The following GOLGA1 variants were observed in gnomAD, a reference collection of about 807,000 sequenced individuals.
GOLGA1 encodes golgin subfamily A member 1.
GOLGA1 carries 63 observed loss-of-function variants against 119.7 expected under a neutral mutation model. That is an observed-to-expected ratio of 0.53 (90% confidence interval 0.43 to 0.65). The LOEUF (loss-of-function observed/expected upper bound fraction) is 0.65. Among genes scored for constraint, GOLGA1 ranks in the 30% least tolerant of loss-of-function variants. The pLI is 0.00. For synonymous variants in GOLGA1, 318 were observed against 333.4 expected, an observed-to-expected ratio of 0.95 and a Z score of 0.50; for missense variants, 798 against 912.8, an observed-to-expected ratio of 0.87 and a Z score of 1.62.
intron 7 of GOLGA1, among the ~76,000 whole-genome samples, chr9:124,924,742 T>C (rs369248453): frequency 7.4e-5 from 11 of 148,692 alleles, no homozygotes; most frequent in Non-Finnish European, 1.6e-4. Context: ...ACTTTAACGA[T>C]GAAAAGTAGC....
chr9:124,889,322 G>A lies in GOLGA1; in HGVS notation c.1601-19C>T, dbSNP rs1564323013. ...TTGTGACCTAGGTCGGGGAGGAGGG[G>A]AGGGGGCACTGTGAGCCCAGTGACT... On this transcript the variant is annotated intron_variant, in intron 17 of 22. Coordinates refer to ENST00000373555, the MANE Select transcript of GOLGA1 (RefSeq NM_002077.4). 1.9e-6 allele frequency: 3 copies of A among 1,612,002 alleles called. No individual in the cohort carries two copies. Among genetic ancestry groups the A allele is most frequent in the Middle Eastern group, 1.7e-4 (1 of 6,058 alleles).
intron 4 of GOLGA1, among the ~76,000 whole-genome samples, chr9:124,930,246 A>G (rs960065675): frequency 3.7e-4 from 57 of 152,198 alleles, no homozygotes; most frequent in Non-Finnish European, 7.2e-4. Context: ...ATATTATTTT[A>G]TAACTCTCTC....
intron 4 of GOLGA1, 104 bp from the exon 5 acceptor site, chr9:124,929,394 T>C (rs1319721276): frequency 1.3e-6 from 1 of 757,060 alleles, no homozygotes; most frequent in Non-Finnish European, 2.4e-6. Context: ...TTTCTTAACC[T>C]GAAAACCATT....
chr9:124,912,960 TA>T (rs1564335906), intron 10 of GOLGA1, among the ~76,000 whole-genome samples: 1 of 152,192 alleles, frequency 6.6e-6, no homozygotes, highest in Non-Finnish European at 1.5e-5. Context: ...CACACTGCTA[TA>T]AAGAATACCT....
chr9:124,933,247 T>C (rs1475865727), intron 3 of GOLGA1, among the ~76,000 whole-genome samples: 1 of 152,290 alleles, frequency 6.6e-6, no homozygotes, highest in East Asian at 1.9e-4. Context: ...CCTCAGACTG[T>C]TATCCTTAGA....
chr9:124,923,207 G>A lies in GOLGA1; in HGVS notation c.449C>T (p.Thr150Ile). The change falls in exon 8 of 23, where the codon ACA becomes ATA. Residue 150 changes from threonine (T) to isoleucine (I), a missense_variant. Physicochemically the swap from Thr to Ile is moderately conservative, Grantham distance 89 (BLOSUM62 -1). Coordinates refer to ENST00000373555, the MANE Select transcript of GOLGA1 (RefSeq NM_002077.4). ...GTTCTTCATTTCCTGTAACTGGGCT[G>A]TCAGAATATTTTTCTCCTATTTGAA... ...DQLEKEKNIL[T>I]AQLQEMKNQS... is the part of the protein sequence containing the mutation. The A allele has an allele frequency of 6.3e-7, 1 of 1,596,116 alleles. No individual in the cohort carries two copies. The highest frequency in any genetic ancestry group is 1.7e-5 in the Admixed American group (1 of 58,350).
At chr9:124,944,229 TAGA>T (rs1304632870), upstream of GOLGA1, 3 of 151,940 alleles carry the variant, frequency 2.0e-5, no homozygotes, top group South Asian at 4.1e-4. Flanking sequence ...ACTGAACCAT[TAGA>T]AGGTCTTTTT....
intron 2 of GOLGA1, among the ~76,000 whole-genome samples, chr9:124,939,596 CTT>C (rs146950969): frequency 0.016 from 1,474 of 91,914 alleles, 79 homozygotes; most frequent in Admixed American, 0.15. Flanking sequence ...GAGTTTCGCT[CTT>C]GTTGCCTAAG....
chr9:124,890,002 T>A (rs1300465082), intron 16 of GOLGA1, among the ~76,000 whole-genome samples: 2 of 152,188 alleles, frequency 1.3e-5, no homozygotes, highest in Non-Finnish European at 2.9e-5. Flanking sequence ...TGGGGTCAGA[T>A]GCAAAGTCTA....
intron 16 of GOLGA1, among the ~76,000 whole-genome samples, chr9:124,889,880 C>T (rs1829816350): frequency 6.6e-6 from 1 of 152,228 alleles, no homozygotes; most frequent in Non-Finnish European, 1.5e-5. Context: ...TATGTTGCCT[C>T]ATTACAGAAT....
intron 19 of GOLGA1, among the ~76,000 whole-genome samples, chr9:124,887,132 GAC>G (rs943753359): frequency 6.6e-5 from 10 of 152,226 alleles, no homozygotes; most frequent in Admixed American, 2.6e-4. Flanking sequence ...TCCCGTGACA[GAC>G]ACAGACCCGA....
intron 3 of GOLGA1, among the ~76,000 whole-genome samples, chr9:124,936,961 G>C (rs1830882606): frequency 6.6e-6 from 1 of 152,142 alleles, no homozygotes; most frequent in South Asian, 2.1e-4. Context: ...GCAAGTAAAT[G>C]AAAAATACAA....
chr9:124,881,375 C>T lies in GOLGA1; in HGVS notation c.2137-118G>A, dbSNP rs189240851. ...GTTAGCAGGACCAGGTGGTGGGTGA[C>T]GCTCTGGCACTCTGAAGTTTGGCAG... is the stretch of plus-strand genomic sequence containing the variant. On this transcript the variant is annotated intron_variant, in intron 21 of 22. Coordinates refer to ENST00000373555, the MANE Select transcript of GOLGA1 (RefSeq NM_002077.4). This position sits in a 1 kb window ranked among gnomAD's most constrained non-coding sequence, Gnocchi z 4.9. 2,705 of 718,014 alleles carry T rather than the reference C, an allele frequency of 3.8e-3. 12 individuals carry two copies. The highest frequency in any genetic ancestry group is 5.2e-3 in the Non-Finnish European group (2,017 of 391,386). 44.5% of individuals were successfully genotyped at this position (718,014 alleles called of 1,614,324 possible).
intron 5 of GOLGA1, among the ~76,000 whole-genome samples, chr9:124,928,704 C>T (rs1368926668): frequency 6.6e-6 from 1 of 152,114 alleles, no homozygotes; most frequent in Admixed American, 6.5e-5. Context: ...CTTTATTTTC[C>T]TTAAAAGTTT....
chr9:124,926,838 C>A, intron 6 of GOLGA1, 97 bp from the exon 7 acceptor site: 12 of 615,630 alleles, frequency 1.9e-5, no homozygotes, highest in Middle Eastern at 3.2e-4. Flanking sequence ...TCCCAGAAAG[C>A]AACTAACCAA....
chr9:124,884,624 CCA>C (rs1384804843), intron 19 of GOLGA1, among the ~76,000 whole-genome samples: 4 of 152,244 alleles, frequency 2.6e-5, no homozygotes, highest in African/African-American at 4.8e-5. Flanking sequence ...AGTCAGAAGA[CCA>C]CAGTTTCTAA....
In GOLGA1 at chr9:124,879,564, TG is replaced by T. The variant is rs2131348156; in HGVS notation, c.*965del. The T allele has an allele frequency of 6.6e-6, 1 of 151,760 alleles. No homozygotes were observed. Among genetic ancestry groups the T allele is most frequent in the South Asian group, 2.1e-4 (1 of 4,788 alleles). The allele number at this position is 151,760 out of a possible 1,614,324, so 9.4% of individuals were successfully genotyped here. ...GTCCTTCAGTAGAAGACAGGTGGTCTGCATCGCCCAGCGGCAGCGCAGCACA... is the reference window on the plus strand; with the variant it reads ...GTCCTTCAGTAGAAGACAGGTGGTCTCATCGCCCAGCGGCAGCGCAGCACA... On this transcript the variant is annotated 3_prime_UTR_variant, in exon 23 of 23. Coordinates refer to ENST00000373555, the MANE Select transcript of GOLGA1 (RefSeq NM_002077.4).
At chr9:124,890,027 T>G (rs1043862760) in intron 16 of GOLGA1, among the ~76,000 whole-genome samples, 2 of 152,128 alleles carry the variant, frequency 1.3e-5, no homozygotes, top group African/African-American at 4.8e-5. Context: ...CAAGGGAGGC[T>G]TTCCCATACT....
At chr9:124,905,510 A>G (rs1268036435) in intron 12 of GOLGA1, among the ~76,000 whole-genome samples, 1 of 152,190 alleles carries the variant, frequency 6.6e-6, no homozygotes, top group Non-Finnish European at 1.5e-5. Context: ...CAAATGTTAC[A>G]CCAAATAATG....
Sources: gnomAD v4.1 joint callset for allele counts (sites outside exome capture counted in the v4.1 genomes callset) on GRCh38, gnomAD v4.1.1 for gene constraint, Gnocchi (gnomAD v3.1) non-coding constraint, MANE v1.5 for transcripts, NCBI Gene and HGNC (gene_info 2026-07-23, HGNC 2026-07-21) for gene names.